Variants in EXOC3L2 observed in about 807,000 individuals in gnomAD.
EXOC3L2 encodes exocyst complex component 3 like 2, also known as exocyst complex component 3-like protein 2.
Under a neutral mutation model 44.4 loss-of-function variants are expected in EXOC3L2, and 17 were observed. The observed-to-expected ratio is 0.38, with a 90% CI of 0.26 to 0.57. EXOC3L2 has a LOEUF of 0.57. Ranked by LOEUF, EXOC3L2 falls within the 20% of genes least tolerant of loss-of-function variation. The pLI is 0.65. For missense variants in EXOC3L2, 541 were observed against 588.4 expected (o/e 0.92, Z 0.83); for synonymous variants, 256 against 253.7 (o/e 1.01, Z -0.09).
chr19:45,215,964 G>A (rs1374830347), intron 11 of EXOC3L2, 109 bp downstream of exon 11: 27 of 1,476,294 alleles, frequency 1.8e-5, no homozygotes, highest in Admixed American at 1.1e-4. Context: ...CGTCAGACAC[G>A]CTCACCGGCT....
intron 4 of EXOC3L2, among the ~76,000 whole-genome samples, chr19:45,229,574 G>A (rs952521307): frequency 2.7e-5 from 4 of 148,480 alleles, no homozygotes; most frequent in Admixed American, 6.8e-5. Context: ...GACCAGGTGC[G>A]GTGGCTTATG....
intron 2 of EXOC3L2, among the ~76,000 whole-genome samples, chr19:45,236,662 T>C (rs1020739798): frequency 6.6e-6 from 1 of 151,356 alleles, no homozygotes; most frequent in Non-Finnish European, 1.5e-5. Flanking sequence ...GAATTGAAAC[T>C]GGGGGCTGAG....
At position 45,234,074 on chromosome 19, in the gene EXOC3L2, T is replaced by C. The variant is rs1386422263; in HGVS notation, c.1157+119A>G. 2.1e-5 allele frequency: 8 copies of C among 372,484 alleles called. No individual in the cohort carries two copies. The highest frequency in any genetic ancestry group is 2.9e-5 in the Non-Finnish European group (6 of 209,234). 23.1% of individuals were successfully genotyped at this position (372,484 alleles called of 1,614,324 possible). ...TGCTGACGACTGGATGGGTTAATGG[T>C]GTTAAAGTGCTAGGACTGTAGGGTC... On this transcript the variant is annotated intron_variant, in intron 3 of 11. Transcript: ENST00000413988. This position sits in a 1 kb window ranked among gnomAD's most constrained non-coding sequence, Gnocchi z 5.0.
intron 1 of EXOC3L2, among the ~76,000 whole-genome samples, chr19:45,244,168 G>GCC (rs1288737086): frequency 6.6e-6 from 1 of 151,990 alleles, no homozygotes; most frequent in African/African-American, 2.4e-5. Flanking sequence ...CGATCCACCT[G>GCC]CCCCAGCCTC....
At position 45,234,592 on chromosome 19, in the gene EXOC3L2, G is replaced by A. The variant is rs1187062155; in HGVS notation, c.758C>T (p.Ala253Val). ...RETLAGPGPG[A>V]CAGAGAVAQL... Reference sequence around the variant, plus strand: ...CGCCACCGCGCCAGCCCCGGCGCACGCTCCCGGCCCGGGGCCCGCCAGCGT... The same window carrying A: ...CGCCACCGCGCCAGCCCCGGCGCACACTCCCGGCCCGGGGCCCGCCAGCGT... The change falls in exon 3 of 12, where the codon GCG becomes GTG. Residue 253 changes from alanine to valine, a missense_variant. By Grantham distance (64) the Ala-to-Val change is moderately conservative. Transcript: ENST00000413988. This position sits in a 1 kb window ranked among gnomAD's most constrained non-coding sequence, Gnocchi z 5.0. 28 of 282,878 alleles carry A rather than the reference G, an allele frequency of 9.9e-5. 1 individual carries two copies. The highest frequency in any genetic ancestry group is 1.3e-5 in the Non-Finnish European group (2 of 151,250). The allele number at this position is 282,878 out of a possible 1,614,324, so 17.5% of individuals were successfully genotyped here.
At chr19:45,215,985 G>A in intron 11 of EXOC3L2, 88 bp downstream of exon 11, 9 of 1,545,622 alleles carry the variant, frequency 5.8e-6, no homozygotes, top group African/African-American at 4.1e-5. Flanking sequence ...CCCTCCCTCA[G>A]GAGGCAGGAA....
chr19:45,229,573 C>T (rs867615399), intron 4 of EXOC3L2, among the ~76,000 whole-genome samples: 12 of 148,470 alleles, frequency 8.1e-5, no homozygotes, highest in Middle Eastern at 3.6e-3. Flanking sequence ...TGACCAGGTG[C>T]GGTGGCTTAT....
chr19:45,215,069 C>T (rs1210379280), intron 11 of EXOC3L2, among the ~76,000 whole-genome samples: 1 of 151,930 alleles, frequency 6.6e-6, no homozygotes, highest in African/African-American at 2.4e-5. Flanking sequence ...TCTCTTGAAC[C>T]CGGGAGGCAG....
chr19:45,214,552 C>T (rs1174088073), intron 11 of EXOC3L2, among the ~76,000 whole-genome samples: 1 of 152,072 alleles, frequency 6.6e-6, no homozygotes, highest in Non-Finnish European at 1.5e-5. Flanking sequence ...GCAACCTCCG[C>T]CTCCTGGGCT....
At chr19:45,239,645 G>A (rs1420800370) in intron 1 of EXOC3L2, among the ~76,000 whole-genome samples, 2 of 148,402 alleles carry the variant, frequency 1.3e-5, no homozygotes, top group South Asian at 2.1e-4. Flanking sequence ...CTCAGCCTCC[G>A]GAGTAGCTGG....
At position 45,238,731 on chromosome 19, in the gene EXOC3L2, G is replaced by A. The variant is rs1970105019; in HGVS notation, c.315C>T (p.Gly105=). ...PGIRRSSADF[G]LLARLHGTRA... ...GGGTCCCATGCAGCCGGGCCAGGAG[G>A]CCAAAATCTGCTGAGCTCCTGCGTA... Residue 105 remains glycine, a synonymous_variant, in exon 2 of 12, where the codon GGC becomes GGT. Coordinates refer to ENST00000413988, the MANE Select transcript of EXOC3L2 (RefSeq NM_001382422.1). The surrounding 1 kb of genome is among the most constrained non-coding windows in gnomAD (Gnocchi z 5.5). The A allele has an allele frequency of 1.0e-5, 4 of 398,818 alleles. No homozygotes were observed. The highest frequency in any genetic ancestry group is 1.8e-5 in the Non-Finnish European group (4 of 225,956). 24.7% of individuals were successfully genotyped at this position (398,818 alleles called of 1,614,324 possible).
chr19:45,215,824 C>T (rs866462462), intron 11 of EXOC3L2, among the ~76,000 whole-genome samples: 1 of 152,232 alleles, frequency 6.6e-6, no homozygotes, highest in African/African-American at 2.4e-5. Flanking sequence ...CCTGCGCCCC[C>T]CTGCCCTGGG....
At chr19:45,224,463 G>A (rs1026393971) in intron 8 of EXOC3L2, among the ~76,000 whole-genome samples, 4 of 151,978 alleles carry the variant, frequency 2.6e-5, no homozygotes, top group African/African-American at 4.8e-5. Flanking sequence ...CCTATAGGGC[G>A]GGCACGAGGA....
intron 1 of EXOC3L2, among the ~76,000 whole-genome samples, chr19:45,244,143 A>C (rs192737076): frequency 3.5e-4 from 51 of 147,530 alleles, no homozygotes; most frequent in African/African-American, 1.1e-3. Context: ...AGGTTGGTCA[A>C]CTCCTGAGTT....
chr19:45,240,693 C>T (rs1054680004), intron 1 of EXOC3L2, among the ~76,000 whole-genome samples: 7 of 151,848 alleles, frequency 4.6e-5, no homozygotes, highest in East Asian at 1.9e-4. Flanking sequence ...GTCAGGAGTT[C>T]GAGACCAGCT....
At chr19:45,243,610 T>C (rs1203011505) in intron 1 of EXOC3L2, among the ~76,000 whole-genome samples, 2 of 152,116 alleles carry the variant, frequency 1.3e-5, no homozygotes, top group Non-Finnish European at 2.9e-5. Context: ...CACACATTAT[T>C]TGCACACTCA....
chr19:45,232,034 T>C (rs1970037435), intron 3 of EXOC3L2, among the ~76,000 whole-genome samples, 160 bp from the exon 4 acceptor site: 1 of 152,156 alleles, frequency 6.6e-6, no homozygotes, highest in Admixed American at 6.5e-5. Flanking sequence ...TCTTTGGAAT[T>C]GTTGCTTCCC....
chr19:45,223,710 G>A (rs112909419), intron 8 of EXOC3L2, among the ~76,000 whole-genome samples: 13,151 of 151,080 alleles, frequency 0.087, 766 homozygotes, highest in African/African-American at 0.16. Flanking sequence ...CAAGACTTGA[G>A]GCAGGGCATG....
chr19:45,242,795 G>A lies in EXOC3L2; in HGVS notation c.-17+2546C>T, dbSNP rs548351648. ...GAGAATCACTTGAACCCAGGAGGCG[G>A]ATGCTGCAGTGAGCCCAGACTGTGC... On this transcript the variant is annotated intron_variant, in intron 1 of 11. Coordinates refer to ENST00000413988, the MANE Select transcript of EXOC3L2 (RefSeq NM_001382422.1). 4.0e-5 allele frequency among the ~76,000 whole-genome samples: 6 copies of A among 149,856 alleles called. No homozygotes were observed. The South Asian group carries it at 1.3e-3, about 32-fold the overall frequency.
Sources: allele counts gnomAD v4.1 joint callset (sites outside exome capture counted in the v4.1 genomes callset), GRCh38; gene constraint gnomAD v4.1.1; non-coding constraint Gnocchi (gnomAD v3.1); transcripts MANE v1.5; gene names NCBI Gene and HGNC (gene_info 2026-07-23, HGNC 2026-07-21).